Variants in NCAM1 observed in about 807,000 individuals in gnomAD.
NCAM1 encodes neural cell adhesion molecule 1.
In NCAM1, 14 loss-of-function variants were observed where a neutral mutation model predicts 109.8. The ratio of observed to expected loss-of-function variants is 0.13; its 90% CI spans 0.08 to 0.20. The LOEUF (loss-of-function observed/expected upper bound fraction) is 0.20. Ranked by LOEUF, NCAM1 falls within the 10% of genes least tolerant of loss-of-function variation. NCAM1 has a pLI of 1.00. For missense variants in NCAM1, 774 were observed against 1,109.9 expected (o/e 0.70, Z 4.30); for synonymous variants, 418 against 442.9 (o/e 0.94, Z 0.70).
intron 1 of NCAM1, among the ~76,000 whole-genome samples, chr11:113,155,693 T>C (rs1177638895): frequency 6.6e-6 from 1 of 152,178 alleles, no homozygotes; most frequent in African/African-American, 2.4e-5. Context: ...TGGTCTTTAG[T>C]TGCCCAGTTA....
chr11:113,229,421 A>C (rs1944938885), intron 9 of NCAM1, among the ~76,000 whole-genome samples: 1 of 152,240 alleles, frequency 6.6e-6, no homozygotes, highest in Admixed American at 6.5e-5. Context: ...ATCATTAAAA[A>C]GTCAGGAAAC....
chr11:113,078,952 G>C (rs1212695314), intron 1 of NCAM1, among the ~76,000 whole-genome samples: 1 of 152,160 alleles, frequency 6.6e-6, no homozygotes, highest in African/African-American at 2.4e-5. Flanking sequence ...AAGGGTCCCA[G>C]GGAGTTCCTC....
chr11:113,128,946 T>G (rs150869132), intron 1 of NCAM1, among the ~76,000 whole-genome samples: 1 of 142,906 alleles, frequency 7.0e-6, no homozygotes, highest in South Asian at 2.3e-4. Context: ...TGTGTGTGTG[T>G]GTGCATGCGT....
At chr11:112,985,886 G>A (rs1555069550) in intron 1 of NCAM1, among the ~76,000 whole-genome samples, 2 of 151,906 alleles carry the variant, frequency 1.3e-5, no homozygotes, top group East Asian at 1.9e-4. Flanking sequence ...AGATTTGGAT[G>A]TCTTTTATTT....
chr11:112,984,560 T>C (rs1279971751), intron 1 of NCAM1, among the ~76,000 whole-genome samples: 6 of 152,020 alleles, frequency 3.9e-5, no homozygotes, highest in African/African-American at 1.4e-4. Context: ...CCACACTTGT[T>C]ATCTCTTGTC....
chr11:113,228,205 T>G (rs1475208928), intron 9 of NCAM1, among the ~76,000 whole-genome samples: 1 of 152,150 alleles, frequency 6.6e-6, no homozygotes, highest in African/African-American at 2.4e-5. Flanking sequence ...GCCCCAAATC[T>G]CCTTAAGCTG....
At position 113,135,220 on chromosome 11, in the gene NCAM1, A is replaced by G. The variant is rs190106932; in HGVS notation, c.53-67159A>G. On this transcript the variant is annotated intron_variant, in intron 1 of 19. Transcript: ENST00000316851. ...CAGATTTTCTCTGGGAACAGCTTCT[A>G]TAGGCAGAGTTGGGGTTCACCTTCA... Among the ~76,000 whole-genome samples, 36 of 152,324 alleles carry G rather than the reference A, an allele frequency of 2.4e-4. No homozygotes were observed. In the South Asian group the frequency reaches 5.4e-3, roughly 23 times the overall value.
chr11:113,255,380 A>T (rs1555122098), intron 15 of NCAM1, among the ~76,000 whole-genome samples: 3 of 152,126 alleles, frequency 2.0e-5, no homozygotes, highest in Non-Finnish European at 2.9e-5. Context: ...ATTTACTCCC[A>T]CTAGAGATCA....
intron 15 of NCAM1, among the ~76,000 whole-genome samples, chr11:113,246,618 C>A (rs188703957): frequency 6.6e-6 from 1 of 152,224 alleles, no homozygotes; most frequent in Non-Finnish European, 1.5e-5. Flanking sequence ...CTACAGTCAA[C>A]CCACATTAGC....
chr11:113,131,763 C>G (rs2136123552), intron 1 of NCAM1, among the ~76,000 whole-genome samples: 1 of 152,300 alleles, frequency 6.6e-6, no homozygotes, highest in East Asian at 1.9e-4. Context: ...GAAGATCGAG[C>G]AGGTGGTTTT....
At chr11:113,185,079 T>TATATATATATATATATATATATAGAGAG in intron 1 of NCAM1, among the ~76,000 whole-genome samples, 24 of 125,738 alleles carry the variant, frequency 1.9e-4, no homozygotes, top group East Asian at 5.7e-4. Flanking sequence ...TATATATATA[T>TATATATATATATATATATATATAGAGAG]AGAGAGAGAG....
At chr11:113,182,277 C>T (rs1442724901) in intron 1 of NCAM1, among the ~76,000 whole-genome samples, 4 of 152,116 alleles carry the variant, frequency 2.6e-5, no homozygotes, top group African/African-American at 7.2e-5. Flanking sequence ...TGTCCAGGGA[C>T]GACTGGTAAT....
At position 113,130,157 on chromosome 11, in the gene NCAM1, G is replaced by A. The variant is rs189487490; in HGVS notation, c.53-72222G>A. On this transcript the variant is annotated intron_variant, in intron 1 of 19. Transcript: ENST00000316851. ...CAGTAGAGATCCTTATAAATTTGAA[G>A]CCTCGTTCAGTATTCACATTGGCGA... Among the ~76,000 whole-genome samples the A allele has an allele frequency of 2.5e-3, 377 of 152,280 alleles. 3 individuals carry two copies. The highest frequency in any genetic ancestry group is 8.6e-3 in the African/African-American group (359 of 41,548).
At chr11:112,988,772 G>A (rs1555070100) in intron 1 of NCAM1, among the ~76,000 whole-genome samples, 1 of 117,370 alleles carries the variant, frequency 8.5e-6, no homozygotes, top group Admixed American at 1.0e-4. Context: ...TTTTTGAGAT[G>A]GATTCTCACT....
In NCAM1 at chr11:112,961,459, C is replaced by T. The variant is rs782518318; in HGVS notation, c.-154C>T. On this transcript the variant is annotated 5_prime_UTR_variant, in exon 1 of 20. Coordinates refer to ENST00000316851, the MANE Select transcript of NCAM1 (RefSeq NM_181351.5). ...CAGCGCGTGAACGCAGCTCGGCTGC[C>T]GCTGGCAGGAAACAATTCTGCAAAA... The T allele has an allele frequency of 5.2e-6, 4 of 775,532 alleles. No individual in the cohort carries two copies. The highest frequency in any genetic ancestry group is 2.7e-5 in the South Asian group (2 of 72,870). The allele number at this position is 775,532 out of a possible 1,614,324, so 48.0% of individuals were successfully genotyped here. A position where few individuals can be genotyped will look rare whatever the true frequency, so the allele number is the denominator to read the frequency against.
intron 1 of NCAM1, among the ~76,000 whole-genome samples, chr11:113,156,537 G>A (rs1942413826): frequency 6.6e-6 from 1 of 152,188 alleles, no homozygotes; most frequent in Non-Finnish European, 1.5e-5. Flanking sequence ...CTATATTAAA[G>A]GGGTGGCATG....
chr11:113,133,554 A>ACC, intron 1 of NCAM1: 1 of 152,206 alleles, frequency 6.6e-6, no homozygotes, highest in East Asian at 1.9e-4. Flanking sequence ...TTTAAGAGAA[A>ACC]AAGTGATGGA....
chr11:113,129,630 C>A (rs1555097945), intron 1 of NCAM1, among the ~76,000 whole-genome samples: 16 of 152,156 alleles, frequency 1.1e-4, no homozygotes. Context: ...TGGAAAAACT[C>A]CTTAGAACTG....
intron 1 of NCAM1, among the ~76,000 whole-genome samples, chr11:113,039,633 C>A (rs1953006945): frequency 6.6e-6 from 1 of 152,276 alleles, no homozygotes; most frequent in East Asian, 1.9e-4. Context: ...CAGCGTCAGA[C>A]CCTGGAGAAA....
Sources: gnomAD v4.1 joint callset for allele counts (sites outside exome capture counted in the v4.1 genomes callset) on GRCh38, gnomAD v4.1.1 for gene constraint, MANE v1.5 for transcripts, NCBI Gene and HGNC (gene_info 2026-07-23, HGNC 2026-07-21) for gene names.